The following PDZRN4 variants were observed in gnomAD, a reference collection of about 807,000 sequenced individuals.
The protein encoded by PDZRN4 is PDZ domain-containing RING finger protein 4.
PDZRN4 carries 70 observed loss-of-function variants against 99.0 expected under a neutral mutation model. The ratio of observed to expected loss-of-function variants is 0.71; its 90% CI spans 0.58 to 0.86. PDZRN4 has a LOEUF of 0.86. PDZRN4 is among the 40% of genes least tolerant of loss of function. The probability of loss-of-function intolerance (pLI) is 0.00; values close to 1 mark genes in which losing one functional copy is unlikely to be tolerated. For synonymous variants in PDZRN4, 551 were observed against 501.6 expected, an observed-to-expected ratio of 1.10 and a Z score of -1.32; for missense variants, 1,474 against 1,331.2, an observed-to-expected ratio of 1.11 and a Z score of -1.67.
intron 5 of PDZRN4, among the ~76,000 whole-genome samples, chr12:41,510,517 C>T (rs1287189310): frequency 6.6e-6 from 1 of 152,084 alleles, no homozygotes; most frequent in Non-Finnish European, 1.5e-5. Context: ...AAAGCTCTCA[C>T]AAAAGTTAAA....
At chr12:41,519,499 G>A (rs1405835430) in intron 5 of PDZRN4, among the ~76,000 whole-genome samples, 1 of 152,052 alleles carries the variant, frequency 6.6e-6, no homozygotes, top group Non-Finnish European at 1.5e-5. Context: ...TTCCTCTGAA[G>A]CAGTAGTCCC....
intron 5 of PDZRN4, among the ~76,000 whole-genome samples, chr12:41,550,401 T>C (rs1174119756): frequency 2.0e-5 from 3 of 152,186 alleles, no homozygotes; most frequent in African/African-American, 7.2e-5. Context: ...CTCAACTACA[T>C]ACCTTGTTGC....
chr12:41,425,913 G>A (rs1039712041), intron 3 of PDZRN4, among the ~76,000 whole-genome samples: 3 of 152,050 alleles, frequency 2.0e-5, no homozygotes, highest in African/African-American at 7.2e-5. Flanking sequence ...TTTCTCTTTT[G>A]ATTTCCAGTA....
At chr12:41,269,595 G>A (rs1458662054) in intron 3 of PDZRN4, among the ~76,000 whole-genome samples, 7 of 152,172 alleles carry the variant, frequency 4.6e-5, no homozygotes, top group Non-Finnish European at 1.0e-4. Context: ...TCAGCAATTT[G>A]AGAGCCTTAA....
intron 5 of PDZRN4, among the ~76,000 whole-genome samples, chr12:41,532,553 C>T (rs1259419514): frequency 2.0e-5 from 3 of 152,126 alleles, no homozygotes; most frequent in Admixed American, 2.0e-4. Context: ...TCTAGGTCCT[C>T]TTTAATATTT....
At chr12:41,343,237 G>T (rs1005719787) in intron 3 of PDZRN4, among the ~76,000 whole-genome samples, 1 of 151,888 alleles carries the variant, frequency 6.6e-6, no homozygotes, top group African/African-American at 2.4e-5. Flanking sequence ...TGCACATAAA[G>T]ATTTTCATCA....
At chr12:41,324,824 T>G (rs1233255866) in intron 3 of PDZRN4, among the ~76,000 whole-genome samples, 1 of 152,128 alleles carries the variant, frequency 6.6e-6, no homozygotes, top group Non-Finnish European at 1.5e-5. Flanking sequence ...CCTTATCAAT[T>G]TTTATATTGA....
At position 41,568,348 on chromosome 12, in the gene PDZRN4, A is replaced by G. The variant is rs116012886; in HGVS notation, c.1584+449A>G. Among the ~76,000 whole-genome samples, 1,406 of 152,286 alleles carry G rather than the reference A, an allele frequency of 9.2e-3. 24 individuals carry two copies. The highest frequency in any genetic ancestry group is 0.033 in the African/African-American group (1,353 of 41,552). On this transcript the variant is annotated intron_variant, in intron 9 of 9. Coordinates refer to ENST00000402685, the MANE Select transcript of PDZRN4 (RefSeq NM_001164595.2). ...TGACATGATGTAAGCCATCAGTTTT[A>G]TTTGCGTACTGGATGGCGTGATTAC...
chr12:41,574,641 A>T lies in PDZRN4; in HGVS notation c.*751A>T, dbSNP rs955371409. 1 of 152,530 alleles carries T rather than the reference A, an allele frequency of 6.6e-6. No homozygotes were observed. The highest frequency in any genetic ancestry group is 1.5e-5 in the Non-Finnish European group (1 of 68,050). 9.4% of individuals were successfully genotyped at this position (152,530 alleles called of 1,614,324 possible). On this transcript the variant is annotated 3_prime_UTR_variant, in exon 10 of 10. Coordinates refer to ENST00000402685, the MANE Select transcript of PDZRN4 (RefSeq NM_001164595.2). ...CCACAGTGGTTGACAGTTATAAAGT[A>T]GTTATATGTGTATACTATTTAGAAG...
chr12:41,229,350 A>G (rs933164165), intron 3 of PDZRN4, among the ~76,000 whole-genome samples: 1 of 152,006 alleles, frequency 6.6e-6, no homozygotes. Context: ...GGATTCTTAA[A>G]AAGTCTTATA....
At chr12:41,402,513 T>A (rs55817793) in intron 3 of PDZRN4, among the ~76,000 whole-genome samples, 13 of 14 alleles carry the variant, frequency 0.93, 6 homozygotes, top group Non-Finnish European at 1. Flanking sequence ...ATATACGCTG[T>A]GTGTATATAT....
chr12:41,202,736 A>G (rs529177086), intron 3 of PDZRN4, among the ~76,000 whole-genome samples: 5 of 152,234 alleles, frequency 3.3e-5, no homozygotes, highest in South Asian at 4.1e-4. Flanking sequence ...AATATTTTAA[A>G]CAATTTTGTA....
chr12:41,494,143 C>T (rs898790194), intron 3 of PDZRN4, among the ~76,000 whole-genome samples: 3 of 151,878 alleles, frequency 2.0e-5, no homozygotes, highest in African/African-American at 7.3e-5. Context: ...GCAGTCAATT[C>T]ACCACTTAAT....
chr12:41,285,010 A>C (rs541317712), intron 3 of PDZRN4, among the ~76,000 whole-genome samples: 3 of 152,200 alleles, frequency 2.0e-5, no homozygotes, highest in Non-Finnish European at 4.4e-5. Context: ...GACAAATGGG[A>C]TGTAATTAAA....
chr12:41,524,711 G>T (rs1271705871), intron 5 of PDZRN4, among the ~76,000 whole-genome samples: 1 of 152,078 alleles, frequency 6.6e-6, no homozygotes, highest in Non-Finnish European at 1.5e-5. Context: ...ATTTAAGAAG[G>T]AAACAGCATG....
chr12:41,427,573 T>C (rs2080698924), intron 3 of PDZRN4, among the ~76,000 whole-genome samples: 1 of 152,228 alleles, frequency 6.6e-6, no homozygotes, highest in African/African-American at 2.4e-5. Context: ...CTCATTCTGA[T>C]GATAATGTGT....
chr12:41,270,203 A>G (rs979165998), intron 3 of PDZRN4, among the ~76,000 whole-genome samples: 2 of 152,032 alleles, frequency 1.3e-5, no homozygotes, highest in African/African-American at 4.8e-5. Flanking sequence ...AGATGTAACA[A>G]TAGATTTTAC....
At chr12:41,197,919 G>GTTTTGTTTT (rs764851464) in intron 3 of PDZRN4, among the ~76,000 whole-genome samples, 3 of 113,462 alleles carry the variant, frequency 2.6e-5, no homozygotes, top group South Asian at 3.0e-4. Flanking sequence ...GTTTTTTCTG[G>GTTTTGTTTT]GTTTTTTTTT....
In PDZRN4 at chr12:41,313,643, T is replaced by C. The variant is rs1478526602; in HGVS notation, c.843+119455T>C. ...CTCCAAGAGAAGGAATTCTTCCTCCTCGTTGAGCCCCATCCATGGACATCA... is the reference window on the plus strand; with the variant it reads ...CTCCAAGAGAAGGAATTCTTCCTCCCCGTTGAGCCCCATCCATGGACATCA... On this transcript the variant is annotated intron_variant, in intron 3 of 9. Transcript: ENST00000402685. Among the ~76,000 whole-genome samples, 4 of 152,200 alleles carry C rather than the reference T, an allele frequency of 2.6e-5. No homozygotes were observed. The East Asian group carries it at 7.7e-4, about 29-fold the overall frequency.
Sources: gnomAD v4.1 joint callset for allele counts (sites outside exome capture counted in the v4.1 genomes callset) on GRCh38, gnomAD v4.1.1 for gene constraint, MANE v1.5 for transcripts, NCBI Gene and HGNC (gene_info 2026-07-23, HGNC 2026-07-21) for gene names.